The following RBMS1 variants were observed in gnomAD, a reference collection of about 807,000 sequenced individuals.
RBMS1 encodes RNA binding motif single stranded interacting protein 1, also known as RNA-binding motif, single-stranded-interacting protein 1.
In RBMS1, 17 loss-of-function variants were observed where a neutral mutation model predicts 62.3. That is an observed-to-expected ratio of 0.27 (90% CI 0.19 to 0.41). The LOEUF is 0.41. RBMS1 is among the 10% of genes least tolerant of loss of function. The pLI, the probability that RBMS1 is intolerant of heterozygous loss-of-function variation, is 1.00. For synonymous variants in RBMS1, 172 were observed against 170.0 expected, an observed-to-expected ratio of 1.01 and a Z score of -0.09; for missense variants, 334 against 504.5, an observed-to-expected ratio of 0.66 and a Z score of 3.24.
intron 1 of RBMS1, among the ~76,000 whole-genome samples, chr2:160,384,819 T>A (rs1398946828): frequency 6.6e-6 from 1 of 152,220 alleles, no homozygotes. Flanking sequence ...TTTAGATTTG[T>A]GTCCCTCCAA....
Position 160,272,883 on chromosome 2 carries a change from T to C in RBMS1, c.*1889A>G, listed in dbSNP as rs527980143. The C allele has an allele frequency of 6.6e-6, 1 of 152,314 alleles. No individual in the cohort carries two copies. The highest frequency in any genetic ancestry group is 2.4e-5 in the African/African-American group (1 of 41,582). 9.4% of individuals were successfully genotyped at this position (152,314 alleles called of 1,614,324 possible). A position where few individuals can be genotyped will look rare whatever the true frequency, so the allele number is the denominator to read the frequency against. On this transcript the variant is annotated 3_prime_UTR_variant, in exon 14 of 14. Transcript: ENST00000348849. ...TGACATCTATCATCAAATACAAGCA[T>C]AAAATTTAAGAACTAAAAAATACTT...
At chr2:160,453,098 G>GGTT (rs35694047) in intron 1 of RBMS1, among the ~76,000 whole-genome samples, 2 of 88,924 alleles carry the variant, frequency 2.2e-5, no homozygotes, top group African/African-American at 5.2e-5. Context: ...TTATGATGAT[G>GGTT]ATGATGATGA....
chr2:160,296,712 GT>G (rs202178289), intron 6 of RBMS1, among the ~76,000 whole-genome samples: 6 of 152,036 alleles, frequency 3.9e-5, no homozygotes, highest in Non-Finnish European at 7.4e-5. Context: ...GGCCTGACCT[GT>G]TTTTTTATGT....
At chr2:160,407,856 G>C in intron 1 of RBMS1, 1 of 981,314 alleles carries the variant, frequency 1.0e-6, no homozygotes, top group Non-Finnish European at 1.2e-6. Context: ...GGCAGCGGAG[G>C]AGCAGCGCCG....
chr2:160,361,350 G>C (rs1693118838), intron 2 of RBMS1, among the ~76,000 whole-genome samples: 1 of 152,184 alleles, frequency 6.6e-6, no homozygotes, highest in South Asian at 2.1e-4. Flanking sequence ...GCACACCTAT[G>C]CTATTTGTAA....
rs560666943 is a variant in RBMS1 at position 160,288,458 on chromosome 2, G to A, written c.641-1374C>T. ...ACAAAAGAAAACAAAAAGCCCAACT[G>A]TAACTCCTTCTGGGTGAGCTGTCTG... On this transcript the variant is annotated intron_variant, in intron 6 of 13. Coordinates refer to ENST00000348849, the MANE Select transcript of RBMS1 (RefSeq NM_016836.4). 4.6e-5 allele frequency among the ~76,000 whole-genome samples: 7 copies of A among 152,274 alleles called. No homozygotes were observed. The East Asian group carries it at 1.2e-3, about 25-fold the overall frequency.
At chr2:160,462,272 G>A (rs1684497768) in intron 1 of RBMS1, among the ~76,000 whole-genome samples, 1 of 152,172 alleles carries the variant, frequency 6.6e-6, no homozygotes, top group Non-Finnish European at 1.5e-5. Context: ...TCAAGCATTT[G>A]ACCATGCTTA....
intron 1 of RBMS1, among the ~76,000 whole-genome samples, chr2:160,438,078 C>T (rs1683188006): frequency 6.6e-6 from 1 of 152,178 alleles, no homozygotes; most frequent in Non-Finnish European, 1.5e-5. Context: ...GGGAAGAAGT[C>T]ACTTTGATGT....
chr2:160,440,009 C>A (rs1236277749), intron 1 of RBMS1, among the ~76,000 whole-genome samples: 1 of 147,728 alleles, frequency 6.8e-6, no homozygotes, highest in Non-Finnish European at 1.5e-5. Context: ...GCAGCAGTAC[C>A]GTCCAGCTTC....
chr2:160,343,902 T>C (rs982238955), intron 2 of RBMS1, among the ~76,000 whole-genome samples: 9 of 152,192 alleles, frequency 5.9e-5, no homozygotes, highest in African/African-American at 1.9e-4. Flanking sequence ...TGAATGAAAT[T>C]AGGCTAACAT....
rs565449663 is a variant in RBMS1, at chr2:160,426,297, A to AGAAG, written c.76-58910_76-58907dup. On this transcript the variant is annotated intron_variant, in intron 1 of 13. Coordinates refer to ENST00000348849, the MANE Select transcript of RBMS1 (RefSeq NM_016836.4). ...AGAAAGAAAGAAAGAAAGAAAAGAA[A>AGAAG]GAAGGAAGGAAGGAAGGAAGGAAGG... Among the ~76,000 whole-genome samples, 120 of 56,150 alleles carry AGAAG rather than the reference A, an allele frequency of 2.1e-3. 4 individuals carry two copies. The highest frequency in any genetic ancestry group is 0.012 in the Admixed American group (61 of 5,158). The allele number at this position is 56,150 out of a possible 152,430, so 36.8% of individuals were successfully genotyped here.
intron 1 of RBMS1, among the ~76,000 whole-genome samples, chr2:160,423,177 T>C (rs1046933759): frequency 6.6e-6 from 1 of 152,224 alleles, no homozygotes; most frequent in African/African-American, 2.4e-5. Context: ...CCAACTTCTA[T>C]ACCAGTTTGA....
At chr2:160,373,536 G>A (rs549820721) in intron 1 of RBMS1, among the ~76,000 whole-genome samples, 2 of 152,052 alleles carry the variant, frequency 1.3e-5, no homozygotes, top group African/African-American at 4.8e-5. Context: ...CCAGCGACTC[G>A]CCAAGTTGCC....
intron 4 of RBMS1, among the ~76,000 whole-genome samples, chr2:160,312,580 AACT>A (rs532113197): frequency 2.2e-3 from 334 of 152,300 alleles, no homozygotes; most frequent in African/African-American, 7.4e-3. Context: ...GTCATTATAG[AACT>A]ACTAAAAAGT....
intron 1 of RBMS1, among the ~76,000 whole-genome samples, chr2:160,486,965 T>C (rs1379004604): frequency 6.6e-6 from 1 of 152,204 alleles, no homozygotes; most frequent in Non-Finnish European, 1.5e-5. Context: ...AAGGAGTACA[T>C]TTCCAACCTG....
At chr2:160,325,132 C>G (rs1379594684) in intron 2 of RBMS1, among the ~76,000 whole-genome samples, 1 of 151,872 alleles carries the variant, frequency 6.6e-6, no homozygotes, top group Non-Finnish European at 1.5e-5. Context: ...GCTATGGAAA[C>G]TTGGGTCACC....
In RBMS1 at chr2:160,450,574, A is replaced by C. The variant is rs538927063; in HGVS notation, c.75+42715T>G. ...TAAAAAATAAAAAATGAAAAAAAAA[A>C]AAAAACAAAAAACATTAACCCAGTT... On this transcript the variant is annotated intron_variant, in intron 1 of 13. Coordinates refer to ENST00000348849, the MANE Select transcript of RBMS1 (RefSeq NM_016836.4). 2.8e-3 allele frequency among the ~76,000 whole-genome samples: 423 copies of C among 150,116 alleles called. 12 individuals are homozygous for C. Among genetic ancestry groups the C allele is most frequent in the African/African-American group, 9.6e-3 (397 of 41,198 alleles).
At position 160,306,128 on chromosome 2, in the gene RBMS1, C is replaced by CGTGT. The variant is rs60939006; in HGVS notation, c.403-2645_403-2642dup. On this transcript the variant is annotated intron_variant, in intron 4 of 13. Transcript: ENST00000348849. ...TGGGCAAGAGCAAGATTGTTTCTCT[C>CGTGT]GTGTGTGTGTGTGTGTGTGTGTGTA... Among the ~76,000 whole-genome samples the CGTGT allele has an allele frequency of 1.9e-4, 28 of 149,926 alleles. 1 individual carries two copies. Among genetic ancestry groups the CGTGT allele is most frequent in the East Asian group, 1.8e-3 (9 of 5,086 alleles).
chr2:160,346,876 T>C (rs546663676), intron 2 of RBMS1, among the ~76,000 whole-genome samples: 9 of 152,288 alleles, frequency 5.9e-5, no homozygotes, highest in African/African-American at 1.7e-4. Flanking sequence ...TTCATTTGGA[T>C]TCCCTGATAA....
Sources: allele counts gnomAD v4.1 joint callset (sites outside exome capture counted in the v4.1 genomes callset), GRCh38; gene constraint gnomAD v4.1.1; transcripts MANE v1.5; gene names NCBI Gene and HGNC (gene_info 2026-07-23, HGNC 2026-07-21).